SLC38A10: variants seen among roughly 807,000 people sequenced by gnomAD.
SLC38A10 encodes the protein solute carrier family 38 member 10, also known as Sodium-coupled neutral amino acid transporter 10.
In SLC38A10, 53 loss-of-function variants were observed where a neutral mutation model predicts 81.0. That is an observed-to-expected ratio of 0.65 (90% confidence interval 0.53 to 0.82). The LOEUF (loss-of-function observed/expected upper bound fraction) is 0.82, where lower values mean the gene tolerates loss of function less well. Ranked by LOEUF, SLC38A10 falls within the 40% of genes least tolerant of loss-of-function variation. The probability of loss-of-function intolerance (pLI) is 0.00; values close to 1 mark genes in which losing one functional copy is unlikely to be tolerated. For missense variants in SLC38A10, 1,471 were observed against 1,545.0 expected (o/e 0.95, Z 0.80); for synonymous variants, 665 against 655.3 (o/e 1.01, Z -0.23).
At chr17:81,248,703 C>T (rs376338094) in intron 14 of SLC38A10, among the ~76,000 whole-genome samples, 6 of 152,216 alleles carry the variant, frequency 3.9e-5, no homozygotes, top group Admixed American at 2.0e-4. Flanking sequence ...ACTGACGTGC[C>T]GGCCCAGCCT....
chr17:81,271,513 A>T (rs892823041), intron 9 of SLC38A10, among the ~76,000 whole-genome samples: 1 of 152,200 alleles, frequency 6.6e-6, no homozygotes, highest in Non-Finnish European at 1.5e-5. Flanking sequence ...CTCTGATGAC[A>T]ACGAGCTCTG....
chr17:81,253,772 T>TCACCATCACCGCTATCATCAC lies in SLC38A10; in HGVS notation c.1289-533_1289-532insGTGATGATAGCGGTGATGGTG, dbSNP rs2062945111. ...ACCATCATCATCACCGTCACCATCA[T>TCACCATCACCGCTATCATCAC]CACCATCTCCATCCCTACCACCATC... On this transcript the variant is annotated intron_variant, in intron 11 of 15. Transcript: ENST00000374759. The surrounding 1 kb of genome is among the most constrained non-coding windows in gnomAD (Gnocchi z 4.1). Among the ~76,000 whole-genome samples the TCACCATCACCGCTATCATCAC allele has an allele frequency of 2.8e-5, 3 of 108,356 alleles. No individual in the cohort carries two copies. The highest frequency in any genetic ancestry group is 1.7e-4 in the Admixed American group (2 of 11,468). The allele number at this position is 108,356 out of a possible 152,430, so 71.1% of individuals were successfully genotyped here.
rs776692989 is a variant in SLC38A10, at chr17:81,289,655, C to G, written c.217+36G>C. ...AATAAATGGAATAAGGCCCCCGCCC[C>G]AGGTCCAGAGCCACCTTGTGGAGAG... is the stretch of plus-strand genomic sequence containing the variant. On this transcript the variant is annotated intron_variant, in intron 2 of 15. Transcript: ENST00000374759. This position sits in a 1 kb window ranked among gnomAD's most constrained non-coding sequence, Gnocchi z 5.9. The G allele has an allele frequency of 4.1e-6, 6 of 1,475,102 alleles. No homozygotes were observed. Among genetic ancestry groups the G allele is most frequent in the Non-Finnish European group, 5.5e-6 (6 of 1,087,038 alleles). 91.4% of individuals were successfully genotyped at this position (1,475,102 alleles called of 1,614,324 possible).
chr17:81,248,424 G>A (rs184510658), intron 14 of SLC38A10, among the ~76,000 whole-genome samples: 36 of 152,338 alleles, frequency 2.4e-4, no homozygotes, highest in African/African-American at 8.7e-4. Context: ...CTGCAGCAAG[G>A]GCCAGAGGAC....
At chr17:81,266,716 A>G (rs1567935726) in intron 10 of SLC38A10, among the ~76,000 whole-genome samples, 2 of 152,232 alleles carry the variant, frequency 1.3e-5, no homozygotes, top group African/African-American at 2.4e-5. Context: ...TGGGAAACAG[A>G]TGGGAACGAA....
At chr17:81,246,781 C>G in intron 15 of SLC38A10, 104 bp downstream of exon 15, 1 of 1,498,782 alleles carries the variant, frequency 6.7e-7, no homozygotes, top group Non-Finnish European at 8.9e-7. Flanking sequence ...AAACCAGACT[C>G]ACGCTCAGGT....
At chr17:81,291,331 C>T (rs949910160) in intron 1 of SLC38A10, among the ~76,000 whole-genome samples, 2 of 151,454 alleles carry the variant, frequency 1.3e-5, no homozygotes, top group African/African-American at 4.9e-5. Context: ...AAAACACACA[C>T]AAAAAATTAG....
intron 4 of SLC38A10, 106 bp from the exon 5 acceptor site, chr17:81,282,438 CA>C (rs2146946510): frequency 6.9e-7 from 1 of 1,457,800 alleles, no homozygotes; most frequent in African/African-American, 1.4e-5. Flanking sequence ...AAGCCGACGG[CA>C]TCCAGGTGAA....
At chr17:81,269,827 T>C (rs2063099445) in intron 10 of SLC38A10, among the ~76,000 whole-genome samples, 2 of 151,290 alleles carry the variant, frequency 1.3e-5, no homozygotes, top group African/African-American at 4.9e-5. Flanking sequence ...TCACTAAAAA[T>C]ACAAAATTAG....
intron 14 of SLC38A10, chr17:81,250,726 C>A (rs900758936): frequency 3.1e-6 from 2 of 653,258 alleles, no homozygotes; most frequent in Non-Finnish European, 1.9e-6. Context: ...CCTCAGAGGG[C>A]GGGTGGACCC....
At chr17:81,258,417 G>A (rs558883782) in intron 11 of SLC38A10, among the ~76,000 whole-genome samples, 1 of 152,308 alleles carries the variant, frequency 6.6e-6, no homozygotes, top group South Asian at 2.1e-4. Flanking sequence ...GAAACCAGAT[G>A]TGGCCTCGGA....
At chr17:81,247,703 T>C (rs985946320) in intron 14 of SLC38A10, 2 of 149,476 alleles carry the variant, frequency 1.3e-5, no homozygotes, top group African/African-American at 5.0e-5. Context: ...GATCAGGGTA[T>C]GGTGAGAGGC....
intron 10 of SLC38A10, among the ~76,000 whole-genome samples, chr17:81,268,845 G>C (rs956618938): frequency 6.6e-6 from 1 of 152,092 alleles, no homozygotes; most frequent in African/African-American, 2.4e-5. Context: ...CCCATTCACA[G>C]ACTGAATAAG....
At chr17:81,256,758 C>T (rs572857086) in intron 11 of SLC38A10, among the ~76,000 whole-genome samples, 58 of 152,388 alleles carry the variant, frequency 3.8e-4, no homozygotes, top group African/African-American at 1.3e-3. Flanking sequence ...GAAAGTATTA[C>T]TCATGAAGGG....
chr17:81,266,423 T>C (rs1326205980), intron 10 of SLC38A10, among the ~76,000 whole-genome samples: 2 of 151,934 alleles, frequency 1.3e-5, no homozygotes, highest in Non-Finnish European at 2.9e-5. Context: ...ATCGAGACCA[T>C]CCTGGCTAAC....
chr17:81,254,007 A>G (rs550420858), intron 11 of SLC38A10, among the ~76,000 whole-genome samples: 23 of 151,362 alleles, frequency 1.5e-4, no homozygotes, highest in African/African-American at 5.6e-4. Context: ...CACCACCTCC[A>G]TAATCATCAC....
chr17:81,287,333 C>G (rs925248630), intron 2 of SLC38A10, among the ~76,000 whole-genome samples: 1 of 152,146 alleles, frequency 6.6e-6, no homozygotes, highest in Non-Finnish European at 1.5e-5. Context: ...AGTCTGTGTG[C>G]GAGGACGGGA....
In SLC38A10 at chr17:81,276,463, C is replaced by T. The variant is rs1005648900; in HGVS notation, c.730-312G>A. Among the ~76,000 whole-genome samples, 2 of 150,772 alleles carry T rather than the reference C, an allele frequency of 1.3e-5. No homozygotes were observed. The highest frequency in any genetic ancestry group is 2.0e-4 in the East Asian group (1 of 5,124). ...TGCAGTGGTGCGATCTTGGCCTCGG[C>T]GTACCTCTGCCTCCCCGGTCCTGGT... On this transcript the variant is annotated intron_variant, in intron 7 of 15. Coordinates refer to ENST00000374759, the MANE Select transcript of SLC38A10 (RefSeq NM_001037984.3). The surrounding 1 kb of genome is among the most constrained non-coding windows in gnomAD (Gnocchi z 4.7).
At position 81,281,086 on chromosome 17, in the gene SLC38A10, C is replaced by T. The variant is rs2063208620; in HGVS notation, c.502-353G>A. On this transcript the variant is annotated intron_variant, in intron 5 of 15. Transcript: ENST00000374759. This position sits in a 1 kb window ranked among gnomAD's most constrained non-coding sequence, Gnocchi z 5.3. ...TACAGAGGCTGGTTTCCCACGTGGG[C>T]AGGTCCCTCCCCATCTTGTACTGTG... Among the ~76,000 whole-genome samples, 1 of 152,226 alleles carries T rather than the reference C, an allele frequency of 6.6e-6. No individual in the cohort carries two copies. Among genetic ancestry groups the T allele is most frequent in the Non-Finnish European group, 1.5e-5 (1 of 68,040 alleles).
Sources: allele counts gnomAD v4.1 joint callset (sites outside exome capture counted in the v4.1 genomes callset), GRCh38; gene constraint gnomAD v4.1.1; non-coding constraint Gnocchi (gnomAD v3.1); transcripts MANE v1.5; gene names NCBI Gene and HGNC (gene_info 2026-07-23, HGNC 2026-07-21).